Variants in JARID2 observed in about 807,000 individuals in gnomAD.
The protein encoded by JARID2 is protein Jumonji.
Under a neutral mutation model 125.6 loss-of-function variants are expected in JARID2, and 21 were observed. The observed-to-expected ratio is 0.17, with a 90% CI of 0.12 to 0.24. JARID2 has a LOEUF of 0.24. JARID2 is among the 10% of genes least tolerant of loss of function. The probability of loss-of-function intolerance (pLI) is 1.00; values close to 1 mark genes in which losing one functional copy is unlikely to be tolerated. For missense variants in JARID2, 1,303 were observed against 1,639.6 expected (o/e 0.79, Z 3.55); for synonymous variants, 736 against 661.6 (o/e 1.11, Z -1.73).
At chr6:15,448,670 G>T (rs1767781432) in intron 3 of JARID2, among the ~76,000 whole-genome samples, 1 of 152,154 alleles carries the variant, frequency 6.6e-6, no homozygotes, top group African/African-American at 2.4e-5. Context: ...AACAGTCTGG[G>T]AGGTTGGTGG....
chr6:15,517,209 C>T lies in JARID2; in HGVS notation c.3499C>T (p.Arg1167Cys), dbSNP rs756110242. Reference sequence around the variant, plus strand: ...CGTGTTCTGTCTGGAGTGTGCTCTGCGCCACGTGGAGAAACAGAAGTCCTG... The same window carrying T: ...CGTGTTCTGTCTGGAGTGTGCTCTGTGCCACGTGGAGAAACAGAAGTCCTG... Reference protein sequence around the residue: ...NVVFCLECALRHVEKQKSCRG... With the variant: ...NVVFCLECALCHVEKQKSCRG... The change falls in exon 17 of 18, where the codon CGC becomes TGC. Residue 1167 changes from arginine to cysteine, a missense_variant. By Grantham distance (180) the Arg-to-Cys change is radical. Around this residue, in one of 11 missense-constraint regions of JARID2, gnomAD observed 190 missense variants for 341.4 expected, o/e 0.56. Coordinates refer to ENST00000341776, the MANE Select transcript of JARID2 (RefSeq NM_004973.4). 3.2e-5 allele frequency: 51 copies of T among 1,613,900 alleles called. No homozygotes were observed. The highest frequency in any genetic ancestry group is 2.5e-4 in the Admixed American group (15 of 60,014).
intron 1 of JARID2, among the ~76,000 whole-genome samples, chr6:15,281,924 CTGTGTG>C (rs3138771): frequency 0.074 from 10,772 of 146,164 alleles, 394 homozygotes; most frequent in Middle Eastern, 0.1. Flanking sequence ...GGTATGTGCT[CTGTGTG>C]TGTGTGTGTG....
chr6:15,317,108 C>G (rs112211352), intron 1 of JARID2, among the ~76,000 whole-genome samples: 2 of 152,202 alleles, frequency 1.3e-5, no homozygotes, highest in Non-Finnish European at 2.9e-5. Flanking sequence ...AGCAATGGTA[C>G]TTTGTTGCAT....
intron 1 of JARID2, among the ~76,000 whole-genome samples, chr6:15,334,295 A>G (rs192630210): frequency 2.6e-5 from 4 of 151,004 alleles, no homozygotes; most frequent in East Asian, 3.9e-4. Flanking sequence ...AGGGGTTCCT[A>G]TGGAACAGTG....
chr6:15,445,999 A>G (rs193176053), intron 3 of JARID2, among the ~76,000 whole-genome samples: 4 of 152,162 alleles, frequency 2.6e-5, no homozygotes, highest in African/African-American at 9.7e-5. Context: ...CTGGAGCACA[A>G]CAATACCAAG....
At chr6:15,477,372 C>T (rs1769393894) in intron 5 of JARID2, among the ~76,000 whole-genome samples, 1 of 151,830 alleles carries the variant, frequency 6.6e-6, no homozygotes, top group Non-Finnish European at 1.5e-5. Flanking sequence ...CTGTAACAGA[C>T]AAATGCCGCC....
intron 3 of JARID2, among the ~76,000 whole-genome samples, chr6:15,421,810 C>CCA (rs1324324684): frequency 6.6e-6 from 1 of 152,148 alleles, no homozygotes; most frequent in African/African-American, 2.4e-5. Flanking sequence ...TGCATCTGGA[C>CCA]AGCAGTTGGC....
At chr6:15,392,814 A>G (rs1012108835) in intron 2 of JARID2, among the ~76,000 whole-genome samples, 2 of 150,762 alleles carry the variant, frequency 1.3e-5, no homozygotes, top group African/African-American at 4.9e-5. Context: ...CCTCCCAGGT[A>G]GCGGGGGTTA....
intron 3 of JARID2, among the ~76,000 whole-genome samples, chr6:15,422,665 C>A (rs1290536393): frequency 4.6e-5 from 7 of 152,202 alleles, no homozygotes; most frequent in Non-Finnish European, 7.3e-5. Context: ...TGTCTCCCCA[C>A]TTCTGCTTCC....
intron 1 of JARID2, among the ~76,000 whole-genome samples, chr6:15,342,039 A>G (rs575032293): frequency 3.3e-5 from 5 of 152,196 alleles, no homozygotes; most frequent in Non-Finnish European, 7.3e-5. Context: ...CCACACAGTG[A>G]TAATTATTAC....
At chr6:15,458,999 G>GC (rs1768323542) in intron 4 of JARID2, among the ~76,000 whole-genome samples, 1 of 152,222 alleles carries the variant, frequency 6.6e-6, no homozygotes, top group Non-Finnish European at 1.5e-5. Flanking sequence ...TGGCAGCTCT[G>GC]CAGAAAATCG....
intron 1 of JARID2, among the ~76,000 whole-genome samples, chr6:15,263,776 A>G (rs957283388): frequency 3.9e-5 from 6 of 152,074 alleles, no homozygotes; most frequent in Admixed American, 6.5e-5. Flanking sequence ...TATTTTTAGT[A>G]GATACAGGGT....
At chr6:15,500,405 G>C (rs1648276716) in intron 7 of JARID2, among the ~76,000 whole-genome samples, 1 of 152,186 alleles carries the variant, frequency 6.6e-6, no homozygotes, top group Admixed American at 6.5e-5. Context: ...GAGTGGGTGG[G>C]CATTGGGAAT....
chr6:15,291,374 C>T (rs1278302383), intron 1 of JARID2, among the ~76,000 whole-genome samples: 6 of 152,224 alleles, frequency 3.9e-5, no homozygotes, highest in Admixed American at 3.9e-4. Context: ...AAAAATCCCT[C>T]ACTTTTCACA....
At chr6:15,507,451 T>C in intron 11 of JARID2, 35 bp downstream of exon 11, 1 of 1,584,038 alleles carries the variant, frequency 6.3e-7, no homozygotes, top group South Asian at 1.1e-5. Context: ...CTGTGGCAGC[T>C]GTGTCCATGA....
chr6:15,316,610 C>T (rs1762187256), intron 1 of JARID2, among the ~76,000 whole-genome samples: 1 of 152,202 alleles, frequency 6.6e-6, no homozygotes, highest in African/African-American at 2.4e-5. Flanking sequence ...TCTCAGCTCA[C>T]TGCAACCTCT....
Position 15,496,648 on chromosome 6 carries a change from C to T in JARID2, c.1423C>T (p.Pro475Ser), listed in dbSNP as rs1433977735. 1.9e-6 allele frequency: 3 copies of T among 1,611,746 alleles called. No homozygotes were observed. The highest frequency in any genetic ancestry group is 4.5e-5 in the East Asian group (2 of 44,868). The change falls in exon 7 of 18, where the codon CCG becomes TCG. Residue 475 changes from proline to serine, a missense_variant. By Grantham distance (74) the Pro-to-Ser change is moderately conservative. Around this residue, in one of 11 missense-constraint regions of JARID2, gnomAD observed 651 missense variants for 581.6 expected, o/e 1.12. Coordinates refer to ENST00000341776, the MANE Select transcript of JARID2 (RefSeq NM_004973.4). ...CGCCGAAGGCCCTGGCAAGAAGGCC[C>T]CGGCCGAGAGAGGTCTGCTGAACGG... ...GPAEGPGKKA[P>S]AERGLLNGHV...
chr6:15,473,413 T>C (rs1223854397), intron 5 of JARID2, among the ~76,000 whole-genome samples: 1 of 151,160 alleles, frequency 6.6e-6, no homozygotes, highest in Admixed American at 6.6e-5. Flanking sequence ...CGTGTGTTTC[T>C]CCTGATGAAA....
intron 1 of JARID2, among the ~76,000 whole-genome samples, chr6:15,360,601 A>T (rs528072286): frequency 4.6e-5 from 7 of 152,190 alleles, no homozygotes; most frequent in Non-Finnish European, 1.0e-4. Context: ...TTCTCACCTC[A>T]GCCTCTTGAG....
Sources: allele counts gnomAD v4.1 joint callset (sites outside exome capture counted in the v4.1 genomes callset), GRCh38; gene constraint gnomAD v4.1.1; regional missense constraint gnomAD v4.1.1; transcripts MANE v1.5; gene names NCBI Gene and HGNC (gene_info 2026-07-23, HGNC 2026-07-21).